CNTN4: variants seen among roughly 807,000 people sequenced by gnomAD.
CNTN4 encodes the protein contactin 4, also known as contactin-4.
Under a neutral mutation model 122.5 loss-of-function variants are expected in CNTN4, and 77 were observed. That is an observed-to-expected ratio of 0.63 (90% CI 0.52 to 0.76). CNTN4 has a LOEUF of 0.76. CNTN4 is among the 30% of genes least tolerant of loss of function. The pLI, the probability that CNTN4 is intolerant of heterozygous loss-of-function variation, is 0.00. For missense variants in CNTN4, 1,256 were observed against 1,259.1 expected, an observed-to-expected ratio of 1.00 and a Z score of 0.04; for synonymous variants, 512 against 447.0, an observed-to-expected ratio of 1.15 and a Z score of -1.83.
intron 7 of CNTN4, among the ~76,000 whole-genome samples, chr3:2,826,487 C>A (rs2092991721): frequency 1.3e-5 from 2 of 152,188 alleles, no homozygotes; most frequent in African/African-American, 4.8e-5. Context: ...CTGGACCATG[C>A]TGTATTTACT....
chr3:2,389,334 CTTCTCATTA>C (rs1181752377), intron 3 of CNTN4, among the ~76,000 whole-genome samples: 20 of 142,914 alleles, frequency 1.4e-4, no homozygotes, highest in African/African-American at 5.1e-4. Context: ...TGGCTGCAGC[CTTCTCATTA>C]TGTTGTTCTC....
At position 2,368,086 on chromosome 3, in the gene CNTN4, G is replaced by A. The variant is rs374891442; in HGVS notation, c.-89+28853G>A. ...GTCGCTCTGTCGCCCAGGCTGGAGT[G>A]CAGTGGCGCGATCTCGGCTCACTGC... On this transcript the variant is annotated intron_variant, in intron 3 of 24. Transcript: ENST00000418658. 4.3e-3 allele frequency among the ~76,000 whole-genome samples: 624 copies of A among 144,680 alleles called. 7 individuals are homozygous for A. The highest frequency in any genetic ancestry group is 0.015 in the African/African-American group (573 of 38,390). 94.9% of individuals were successfully genotyped at this position (144,680 alleles called of 152,430 possible).
At chr3:2,158,352 A>G (rs1349186724) in intron 2 of CNTN4, among the ~76,000 whole-genome samples, 1 of 152,238 alleles carries the variant, frequency 6.6e-6, no homozygotes, top group Non-Finnish European at 1.5e-5. Context: ...CATAAAATAT[A>G]TTTCATTAAT....
intron 13 of CNTN4, among the ~76,000 whole-genome samples, chr3:2,986,038 C>G (rs340816): frequency 0.29 from 43,305 of 151,498 alleles, 6,326 homozygotes; most frequent in African/African-American, 0.34. Flanking sequence ...CCTCAGCCCC[C>G]CAAGTAGCTG....
intron 2 of CNTN4, among the ~76,000 whole-genome samples, chr3:2,138,090 G>A (rs912375434): frequency 3.4e-5 from 5 of 147,284 alleles, no homozygotes; most frequent in East Asian, 2.0e-4. Flanking sequence ...TTTTCGAGAC[G>A]GAGTCTCGCT....
In CNTN4 at chr3:2,258,767, C is replaced by G. The variant is rs950215658; in HGVS notation, c.-144-80411C>G. Among the ~76,000 whole-genome samples the G allele has an allele frequency of 5.9e-5, 9 of 151,916 alleles. No individual in the cohort carries two copies. The South Asian group carries it at 1.5e-3, about 25-fold the overall frequency. ...GGCATCTCATGTCTTAGTCTGAGTT[C>G]CTAACCTTTTTATATTTTTTTATTA... On this transcript the variant is annotated intron_variant, in intron 2 of 24. Transcript: ENST00000418658.
At chr3:2,615,588 A>G (rs1002287249) in intron 4 of CNTN4, among the ~76,000 whole-genome samples, 2 of 152,222 alleles carry the variant, frequency 1.3e-5, no homozygotes, top group Non-Finnish European at 2.9e-5. Flanking sequence ...TCTAAAAAAA[A>G]ACTTAGAGGG....
chr3:2,263,106 C>G (rs1263571242), intron 2 of CNTN4, among the ~76,000 whole-genome samples: 4 of 152,054 alleles, frequency 2.6e-5, no homozygotes, highest in African/African-American at 9.7e-5. Flanking sequence ...AGTCCTTTTT[C>G]TTGTGGCCAT....
intron 6 of CNTN4, among the ~76,000 whole-genome samples, chr3:2,779,411 C>T (rs1440537898): frequency 6.6e-6 from 1 of 152,134 alleles, no homozygotes; most frequent in African/African-American, 2.4e-5. Flanking sequence ...GTTGCCCAGG[C>T]TGGTCTTGAA....
intron 12 of CNTN4, 73 bp downstream of exon 12, chr3:2,903,078 G>A: frequency 1.4e-6 from 2 of 1,478,974 alleles, no homozygotes; most frequent in African/African-American, 1.4e-5. Context: ...TCTTTGCCAA[G>A]CATAAATGTT....
chr3:2,944,925 C>G lies in CNTN4; in HGVS notation c.1358+19146C>G, dbSNP rs900795886. On this transcript the variant is annotated intron_variant, in intron 13 of 24. Coordinates refer to ENST00000418658, the MANE Select transcript of CNTN4 (RefSeq NM_175607.3). ...GCTAGTCCCACTGAGAGCTCTGGAGCTCAGATAGCCCTTCAGAATGGTCTT... is the reference window on the plus strand; with the variant it reads ...GCTAGTCCCACTGAGAGCTCTGGAGGTCAGATAGCCCTTCAGAATGGTCTT... Among the ~76,000 whole-genome samples the G allele has an allele frequency of 2.6e-5, 4 of 152,306 alleles. 1 individual carries two copies. The highest frequency in any genetic ancestry group is 2.6e-4 in the Admixed American group (4 of 15,294).
chr3:2,177,088 G>A (rs1375257583), intron 2 of CNTN4, among the ~76,000 whole-genome samples: 1 of 151,984 alleles, frequency 6.6e-6, no homozygotes, highest in South Asian at 2.1e-4. Flanking sequence ...AGTTAAATGC[G>A]GATGAAAGCA....
At chr3:3,026,401 CCTG>C in intron 15 of CNTN4, 124 bp downstream of exon 15, 1 of 828,400 alleles carries the variant, frequency 1.2e-6, no homozygotes, top group Non-Finnish European at 2.0e-6. Context: ...TTGGTTAATT[CCTG>C]CTCCTTTTTG....
intron 4 of CNTN4, among the ~76,000 whole-genome samples, chr3:2,580,116 G>GA (rs2079871261): frequency 6.6e-6 from 1 of 152,056 alleles, no homozygotes; most frequent in East Asian, 1.9e-4. Flanking sequence ...AGGAAGGTCT[G>GA]TCTTAGTACA....
At chr3:2,382,947 C>T (rs762913620) in intron 3 of CNTN4, among the ~76,000 whole-genome samples, 2 of 151,860 alleles carry the variant, frequency 1.3e-5, no homozygotes, top group South Asian at 2.1e-4. Flanking sequence ...TGGTGGCAGG[C>T]GCCTGTAATT....
intron 13 of CNTN4, among the ~76,000 whole-genome samples, chr3:2,968,722 T>G (rs887910448): frequency 6.6e-6 from 1 of 152,188 alleles, no homozygotes; most frequent in Non-Finnish European, 1.5e-5. Flanking sequence ...GCAAAAGGAC[T>G]ATATTGCATG....
intron 10 of CNTN4, among the ~76,000 whole-genome samples, chr3:2,890,654 G>A (rs1250063616): frequency 3.3e-5 from 5 of 152,126 alleles, no homozygotes; most frequent in African/African-American, 1.2e-4. Context: ...AAGCCTACTA[G>A]GCATGATGAT....
chr3:2,753,282 C>T (rs925375080), intron 6 of CNTN4, among the ~76,000 whole-genome samples: 1 of 151,986 alleles, frequency 6.6e-6, no homozygotes, highest in Admixed American at 6.6e-5. Context: ...TTTTTTCTGC[C>T]CCAGGTTGTT....
At chr3:2,945,344 C>T (rs76935662) in intron 13 of CNTN4, among the ~76,000 whole-genome samples, 2 of 152,068 alleles carry the variant, frequency 1.3e-5, no homozygotes, top group Admixed American at 1.3e-4. Flanking sequence ...GTAATTGATT[C>T]TTTCTTGGCA....
Sources: gnomAD v4.1 joint callset for allele counts (sites outside exome capture counted in the v4.1 genomes callset) on GRCh38, gnomAD v4.1.1 for gene constraint, MANE v1.5 for transcripts, NCBI Gene and HGNC (gene_info 2026-07-23, HGNC 2026-07-21) for gene names.